Variants in KAZN observed in about 807,000 individuals in gnomAD.
The protein encoded by KAZN is kazrin.
A neutral mutation model predicts 87.4 loss-of-function variants in KAZN; 40 were observed. The observed-to-expected ratio is 0.46, with a 90% CI of 0.36 to 0.60. The LOEUF is 0.60. Ranked by LOEUF, KAZN falls within the 20% of genes least tolerant of loss-of-function variation. The probability of loss-of-function intolerance (pLI) is 0.00; values close to 1 mark genes in which losing one functional copy is unlikely to be tolerated. For synonymous variants in KAZN, 466 were observed against 458.3 expected (o/e 1.02, Z -0.22); for missense variants, 898 against 1,073.9 (o/e 0.84, Z 2.29).
chr1:14,051,342 G>T (rs189488243), intron 1 of KAZN, among the ~76,000 whole-genome samples: 1 of 152,256 alleles, frequency 6.6e-6, no homozygotes, highest in East Asian at 1.9e-4. Flanking sequence ...CAGGGCCCCA[G>T]TCAAGAAGAG....
intron 1 of KAZN, among the ~76,000 whole-genome samples, chr1:14,149,484 T>G (rs1353483113): frequency 6.6e-6 from 1 of 152,116 alleles, no homozygotes; most frequent in East Asian, 1.9e-4. Context: ...CAGTCCCAAG[T>G]CTTTCCGGAG....
At chr1:14,068,946 G>A (rs923913268) in intron 1 of KAZN, among the ~76,000 whole-genome samples, 8 of 151,914 alleles carry the variant, frequency 5.3e-5, no homozygotes, top group Non-Finnish European at 1.0e-4. Context: ...CTACAGGCAC[G>A]TGCCACCACG....
intron 2 of KAZN, among the ~76,000 whole-genome samples, chr1:14,289,546 C>T (rs543200724): frequency 3.8e-4 from 57 of 151,304 alleles, no homozygotes; most frequent in African/African-American, 1.4e-3. Flanking sequence ...GGCAGATCTT[C>T]TTCTATCCCT....
At chr1:14,888,594 G>A (rs949420702) in intron 1 of KAZN, among the ~76,000 whole-genome samples, 11 of 151,662 alleles carry the variant, frequency 7.3e-5, no homozygotes, top group South Asian at 2.1e-4. Flanking sequence ...AGCTTTTTGC[G>A]TGAATTAATT....
At chr1:15,107,042 GGAGCAGGACTGGAACCA>G (rs1553191141) in intron 13 of KAZN, among the ~76,000 whole-genome samples, 1 of 152,278 alleles carries the variant, frequency 6.6e-6, no homozygotes. Context: ...GACACACAAA[GGAGCAGGACTGGAACCA>G]GAGCAGGACT....
At chr1:14,018,771 C>A (rs1035960184) in intron 1 of KAZN, among the ~76,000 whole-genome samples, 5 of 152,162 alleles carry the variant, frequency 3.3e-5, no homozygotes, top group Admixed American at 1.3e-4. Flanking sequence ...GGTTCTCTGG[C>A]CTTTGGACTG....
At chr1:14,876,249 C>G (rs1475441114) in intron 1 of KAZN, among the ~76,000 whole-genome samples, 1 of 152,248 alleles carries the variant, frequency 6.6e-6, no homozygotes, top group Admixed American at 6.5e-5. Context: ...ATCACAGCCT[C>G]TGTTGTCACC....
intron 13 of KAZN, among the ~76,000 whole-genome samples, chr1:15,106,974 C>CA (rs150098036): frequency 0.018 from 2,717 of 151,698 alleles, 90 homozygotes; most frequent in African/African-American, 0.062. Flanking sequence ...TCAAAACAAA[C>CA]AAAAAAAATA....
intron 1 of KAZN, among the ~76,000 whole-genome samples, chr1:13,988,141 G>A (rs1043285401): frequency 6.6e-6 from 1 of 152,096 alleles, no homozygotes; most frequent in Non-Finnish European, 1.5e-5. Flanking sequence ...CTTTTGGGGG[G>A]ACACAGGCAA....
intron 1 of KAZN, among the ~76,000 whole-genome samples, chr1:14,118,250 T>A (rs901625521): frequency 6.6e-6 from 1 of 152,220 alleles, no homozygotes; most frequent in Non-Finnish European, 1.5e-5. Flanking sequence ...ACATAAAATG[T>A]TATTTAATCC....
intron 2 of KAZN, among the ~76,000 whole-genome samples, chr1:14,256,887 C>T (rs958828643): frequency 6.6e-6 from 1 of 152,178 alleles, no homozygotes; most frequent in African/African-American, 2.4e-5. Context: ...TCTGTAAAGG[C>T]ATCGATGATG....
At chr1:14,783,083 G>A (rs1209826690) in intron 1 of KAZN, among the ~76,000 whole-genome samples, 3 of 151,048 alleles carry the variant, frequency 2.0e-5, no homozygotes, top group Non-Finnish European at 4.4e-5. Context: ...GCTGCCTTTA[G>A]GGGGTGCTCA....
intron 1 of KAZN, among the ~76,000 whole-genome samples, chr1:14,064,737 C>T (rs1570650738): frequency 6.6e-6 from 1 of 152,186 alleles, no homozygotes; most frequent in East Asian, 1.9e-4. Context: ...AATGCTGGTG[C>T]TTTTGTGTAA....
At chr1:14,961,903 C>T (rs1663911871) in intron 2 of KAZN, among the ~76,000 whole-genome samples, 1 of 152,150 alleles carries the variant, frequency 6.6e-6, no homozygotes, top group Admixed American at 6.5e-5. Context: ...GCATTTGAGG[C>T]CGGTTGGGTG....
chr1:13,963,944 G>A (rs1262313459), intron 1 of KAZN, among the ~76,000 whole-genome samples: 1 of 152,148 alleles, frequency 6.6e-6, no homozygotes, highest in African/African-American at 2.4e-5. Context: ...TCTTAGCTGT[G>A]TCATCAGTAA....
chr1:14,750,718 C>T (rs561170081), intron 1 of KAZN, among the ~76,000 whole-genome samples: 3 of 152,090 alleles, frequency 2.0e-5, no homozygotes, highest in Non-Finnish European at 4.4e-5. Flanking sequence ...GGAAGCAAAC[C>T]TCTAAACTCT....
chr1:14,419,677 T>G (rs549219726), intron 2 of KAZN, among the ~76,000 whole-genome samples: 23 of 152,250 alleles, frequency 1.5e-4, no homozygotes, highest in Admixed American at 1.1e-3. Flanking sequence ...TTCCTTCTGG[T>G]GGGTTTGTGA....
intron 1 of KAZN, among the ~76,000 whole-genome samples, chr1:14,681,642 TATATATATATATATA>T (rs1470247699): frequency 2.2e-4 from 3 of 13,568 alleles, no homozygotes; most frequent in South Asian, 3.5e-3. Context: ...TATATATATA[TATATATATATATATA>T]TTTTTTTTTT....
At chr1:13,964,122 G>A (rs979407658) in intron 1 of KAZN, among the ~76,000 whole-genome samples, 2 of 152,134 alleles carry the variant, frequency 1.3e-5, no homozygotes, top group Non-Finnish European at 2.9e-5. Flanking sequence ...ATTATTTACT[G>A]AGTATCTACT....
Sources: gnomAD v4.1 joint callset for allele counts (sites outside exome capture counted in the v4.1 genomes callset) on GRCh38, gnomAD v4.1.1 for gene constraint, MANE v1.5 for transcripts, NCBI Gene and HGNC (gene_info 2026-07-23, HGNC 2026-07-21) for gene names.